Variants in UBR3 observed in about 807,000 individuals in gnomAD.
The protein encoded by UBR3 is ubiquitin protein ligase E3 component n-recognin 3, also known as E3 ubiquitin-protein ligase UBR3.
UBR3 carries 85 observed loss-of-function variants against 243.2 expected under a neutral mutation model. The observed-to-expected ratio is 0.35, with a 90% CI of 0.29 to 0.42. The LOEUF is 0.42. Ranked by LOEUF, UBR3 falls within the 10% of genes least tolerant of loss-of-function variation. The pLI is 1.00. For synonymous variants in UBR3, 748 were observed against 799.8 expected (o/e 0.94, Z 1.09); for missense variants, 1,686 against 2,300.8 (o/e 0.73, Z 5.47).
intron 35 of UBR3, among the ~76,000 whole-genome samples, chr2:170,064,877 T>G (rs764349124): frequency 6.6e-6 from 1 of 151,016 alleles, no homozygotes; most frequent in Non-Finnish European, 1.5e-5. Context: ...GAGACTCGCT[T>G]TGTCGCCCAG....
chr2:169,940,090 A>G (rs1440671636), intron 19 of UBR3, among the ~76,000 whole-genome samples: 2 of 152,188 alleles, frequency 1.3e-5, no homozygotes, highest in African/African-American at 2.4e-5. Context: ...CATGTATACA[A>G]TGTGTAATGA....
At chr2:169,892,402 G>GT (rs1306195067) in intron 6 of UBR3, among the ~76,000 whole-genome samples, 5 of 152,214 alleles carry the variant, frequency 3.3e-5, no homozygotes, top group African/African-American at 1.2e-4. Flanking sequence ...CTGCTGTGGT[G>GT]TAAGAGGTCA....
chr2:170,044,951 A>ATCTC (rs1343388985), intron 32 of UBR3, among the ~76,000 whole-genome samples: 1 of 152,220 alleles, frequency 6.6e-6, no homozygotes, highest in Non-Finnish European at 1.5e-5. Flanking sequence ...TACAATTATT[A>ATCTC]TCTCTCAGGC....
At chr2:169,890,593 G>GTATATATATGTGTATATA (rs1559064534) in intron 5 of UBR3, among the ~76,000 whole-genome samples, 3 of 76,160 alleles carry the variant, frequency 3.9e-5, no homozygotes, top group Non-Finnish European at 7.8e-5. Flanking sequence ...ATATATATAT[G>GTATATATATGTGTATATA]TATATATATG....
intron 31 of UBR3, among the ~76,000 whole-genome samples, chr2:170,036,588 A>T (rs945856464): frequency 5.3e-5 from 8 of 152,214 alleles, no homozygotes; most frequent in African/African-American, 1.9e-4. Context: ...AGTAATGGAA[A>T]TCTATTTGAT....
intron 5 of UBR3, among the ~76,000 whole-genome samples, chr2:169,879,006 T>A (rs1229184733): frequency 6.6e-6 from 1 of 152,126 alleles, no homozygotes; most frequent in Admixed American, 6.6e-5. Flanking sequence ...TATAATAAAG[T>A]TACATTTTAC....
At chr2:169,841,554 G>A (rs1456599141) in intron 1 of UBR3, among the ~76,000 whole-genome samples, 1 of 152,246 alleles carries the variant, frequency 6.6e-6, no homozygotes, top group Non-Finnish European at 1.5e-5. Flanking sequence ...AGCCGGAACT[G>A]GGGCTGCGTG....
chr2:170,040,359 G>C (rs187959683), intron 31 of UBR3, among the ~76,000 whole-genome samples: 15 of 151,938 alleles, frequency 9.9e-5, no homozygotes, highest in African/African-American at 3.1e-4. Context: ...GCCTGCCTCA[G>C]CCTCACAAAG....
rs943357623 is a variant in UBR3 at position 169,986,701 on chromosome 2, G to C, written c.3691G>C (p.Glu1231Gln). 1.2e-6 allele frequency: 2 copies of C among 1,613,998 alleles called. No homozygotes were observed. The highest frequency in any genetic ancestry group is 1.7e-6 in the Non-Finnish European group (2 of 1,179,968). ...CACCACGGCAGAACCACAGGTTTCC[G>C]AGGCAGTATATGACTGTGTTATTTG... ...EITTAEPQVS[E>Q]AVYDCVICGQ... The change falls in exon 25 of 39, where the codon GAG becomes CAG. Residue 1231 changes from glutamate (E) to glutamine (Q), a missense_variant. This residue lies in a region of UBR3 where 156 missense variants were observed against 246.3 expected (regional missense o/e 0.63). Transcript: ENST00000272793.
intron 31 of UBR3, among the ~76,000 whole-genome samples, chr2:170,036,644 C>T (rs1037200960): frequency 4.6e-5 from 7 of 152,046 alleles, no homozygotes; most frequent in Non-Finnish European, 1.0e-4. Context: ...TATTTGTATA[C>T]ATTCTTTGTG....
intron 30 of UBR3, among the ~76,000 whole-genome samples, chr2:170,026,184 A>G (rs13018324): frequency 0.44 from 66,091 of 151,624 alleles, 15,501 homozygotes; most frequent in Non-Finnish European, 0.54. Flanking sequence ...GAAAGCCAGG[A>G]GAGAGTGGTA....
chr2:169,884,156 CT>C (rs757405113), intron 5 of UBR3, among the ~76,000 whole-genome samples: 6,268 of 130,348 alleles, frequency 0.048, 130 homozygotes, highest in Middle Eastern at 0.075. Flanking sequence ...GGAGAGCTGA[CT>C]TTTTTTTTTT....
intron 2 of UBR3, among the ~76,000 whole-genome samples, chr2:169,875,065 G>T (rs2083557853): frequency 6.6e-6 from 1 of 150,720 alleles, no homozygotes; most frequent in Admixed American, 6.6e-5. Context: ...TCATATTTAT[G>T]AAAAGTTATC....
chr2:170,023,887 T>G (rs368415726), intron 30 of UBR3, among the ~76,000 whole-genome samples: 3 of 151,898 alleles, frequency 2.0e-5, no homozygotes, highest in African/African-American at 7.3e-5. Flanking sequence ...AATTTTTGTA[T>G]TTTTTAGTAG....
chr2:169,907,009 A>G (rs2085036069), intron 10 of UBR3, among the ~76,000 whole-genome samples: 1 of 146,454 alleles, frequency 6.8e-6, no homozygotes, highest in South Asian at 2.2e-4. Context: ...CAGCCTTGTT[A>G]CAATCTTACT....
At chr2:170,050,409 A>G (rs950677606) in intron 32 of UBR3, among the ~76,000 whole-genome samples, 2 of 152,166 alleles carry the variant, frequency 1.3e-5, no homozygotes, top group African/African-American at 4.8e-5. Flanking sequence ...GGAACAGAAT[A>G]AAATGTCTGA....
rs77803026 is a variant in UBR3 at position 170,031,086 on chromosome 2, G to A, written c.4556+1638G>A. Among the ~76,000 whole-genome samples the A allele has an allele frequency of 3.9e-4, 59 of 151,966 alleles. No homozygotes were observed. The East Asian group carries it at 7.4e-3, about 19-fold the overall frequency. On this transcript the variant is annotated intron_variant, in intron 31 of 38. Transcript: ENST00000272793. ...ACTGAGGTTACAAGTGTGAGCCACCGTGCCTAGCCTTCCTCTTTATTTTTA... is the reference window on the plus strand; with the variant it reads ...ACTGAGGTTACAAGTGTGAGCCACCATGCCTAGCCTTCCTCTTTATTTTTA...
At chr2:170,030,156 A>G (rs1289023738) in intron 31 of UBR3, among the ~76,000 whole-genome samples, 2 of 151,922 alleles carry the variant, frequency 1.3e-5, no homozygotes, top group African/African-American at 2.4e-5. Context: ...GTTCCCTTTT[A>G]CTTTAGTGAG....
chr2:169,834,148 C>T (rs62173082), intron 1 of UBR3, among the ~76,000 whole-genome samples: 8,629 of 152,228 alleles, frequency 0.057, 294 homozygotes, highest in Non-Finnish European at 0.084. Context: ...AATTGAACCA[C>T]GTGAATGTCT....
Sources: allele counts gnomAD v4.1 joint callset (sites outside exome capture counted in the v4.1 genomes callset), GRCh38; gene constraint gnomAD v4.1.1; regional missense constraint gnomAD v4.1.1; transcripts MANE v1.5; gene names NCBI Gene and HGNC (gene_info 2026-07-23, HGNC 2026-07-21).